Variants in DLG2 observed in about 807,000 individuals in gnomAD.
DLG2 encodes disks large homolog 2.
DLG2 carries 45 observed loss-of-function variants against 132.5 expected under a neutral mutation model. The observed-to-expected ratio is 0.34, with a 90% CI of 0.27 to 0.44. The LOEUF (loss-of-function observed/expected upper bound fraction) is 0.44, where lower values mean the gene tolerates loss of function less well. Among genes scored for constraint, DLG2 ranks in the 20% least tolerant of loss-of-function variants. The pLI is 1.00. For synonymous variants in DLG2, 424 were observed against 419.6 expected (o/e 1.01, Z -0.13); for missense variants, 1,045 against 1,196.9 (o/e 0.87, Z 1.87).
chr11:85,146,227 C>CCTCTCT (rs35640163), intron 5 of DLG2, among the ~76,000 whole-genome samples: 4,037 of 129,080 alleles, frequency 0.031, 90 homozygotes, highest in African/African-American at 0.046. Flanking sequence ...TCTGTTTCTC[C>CCTCTCT]CTCTCTCTCT....
chr11:84,496,336 CTG>C (rs1303332295), intron 7 of DLG2, among the ~76,000 whole-genome samples: 2 of 152,064 alleles, frequency 1.3e-5, no homozygotes, highest in East Asian at 1.9e-4. Context: ...GGGGTGAGCT[CTG>C]TGTGTTTTCA....
At chr11:83,597,805 A>T (rs1250760681) in intron 19 of DLG2, among the ~76,000 whole-genome samples, 1 of 150,736 alleles carries the variant, frequency 6.6e-6, no homozygotes, top group Non-Finnish European at 1.5e-5. Flanking sequence ...AAACAAACAA[A>T]CAAACAAACA....
At chr11:83,466,930 T>G (rs2091142292) in intron 25 of DLG2, 113 bp from the exon 26 acceptor site, 2 of 680,864 alleles carry the variant, frequency 2.9e-6, no homozygotes, top group Admixed American at 5.0e-5. Flanking sequence ...GCTGGATTTC[T>G]AAAGTCAGAA....
chr11:83,657,001 C>T (rs531375997), intron 18 of DLG2, among the ~76,000 whole-genome samples: 3 of 152,294 alleles, frequency 2.0e-5, no homozygotes, highest in South Asian at 2.1e-4. Flanking sequence ...AAATCCTACT[C>T]AGTCATCCAA....
chr11:83,781,217 T>G (rs529245502), intron 18 of DLG2, among the ~76,000 whole-genome samples: 1 of 152,280 alleles, frequency 6.6e-6, no homozygotes, highest in South Asian at 2.1e-4. Flanking sequence ...TCTTGCCCAC[T>G]ATATATTTCT....
At chr11:84,347,710 C>T (rs1217692736) in intron 7 of DLG2, among the ~76,000 whole-genome samples, 1 of 152,192 alleles carries the variant, frequency 6.6e-6, no homozygotes. Context: ...TTCAGAGATG[C>T]AGAGCCCATT....
chr11:84,340,761 A>T (rs923597824), intron 7 of DLG2, among the ~76,000 whole-genome samples: 6 of 152,130 alleles, frequency 3.9e-5, no homozygotes, highest in Admixed American at 3.9e-4. Context: ...GGTAATTAGC[A>T]TATGTTAGGA....
At chr11:84,245,188 G>T (rs2097286425) in intron 8 of DLG2, among the ~76,000 whole-genome samples, 1 of 152,138 alleles carries the variant, frequency 6.6e-6, no homozygotes. Flanking sequence ...TGAACCCATA[G>T]TATCCTTTTT....
intron 10 of DLG2, among the ~76,000 whole-genome samples, chr11:84,085,173 A>C (rs2096958912): frequency 6.6e-6 from 1 of 152,242 alleles, no homozygotes; most frequent in African/African-American, 2.4e-5. Flanking sequence ...CACAATTTAT[A>C]AACTGCTCAG....
chr11:83,684,142 A>G (rs1023203294), intron 18 of DLG2, among the ~76,000 whole-genome samples: 1 of 152,068 alleles, frequency 6.6e-6, no homozygotes, highest in African/African-American at 2.4e-5. Context: ...AAGCAGGAAG[A>G]CAGGTATCTC....
intron 8 of DLG2, among the ~76,000 whole-genome samples, chr11:84,178,808 A>G (rs2096043444): frequency 6.6e-6 from 1 of 152,280 alleles, no homozygotes; most frequent in East Asian, 1.9e-4. Context: ...GAAACAGACT[A>G]CAGATCTAGC....
intron 6 of DLG2, among the ~76,000 whole-genome samples, chr11:84,908,591 T>G (rs76501134): frequency 0.013 from 2,029 of 152,078 alleles, 38 homozygotes; most frequent in African/African-American, 0.045. Flanking sequence ...GTTTCCCCTG[T>G]GAGTAGTAAC....
At chr11:84,305,611 A>C (rs2098208381) in intron 7 of DLG2, among the ~76,000 whole-genome samples, 2 of 152,156 alleles carry the variant, frequency 1.3e-5, no homozygotes, top group South Asian at 4.1e-4. Flanking sequence ...CTGTCTATCT[A>C]TCTATTTATC....
chr11:85,492,421 G>T (rs536053455), intron 3 of DLG2, among the ~76,000 whole-genome samples: 1 of 152,226 alleles, frequency 6.6e-6, no homozygotes, highest in Non-Finnish European at 1.5e-5. Flanking sequence ...AAGCTGTCTA[G>T]ATATACCATG....
chr11:84,517,210 C>A (rs1352070098), intron 7 of DLG2, among the ~76,000 whole-genome samples: 1 of 151,124 alleles, frequency 6.6e-6, no homozygotes, highest in Non-Finnish European at 1.5e-5. Context: ...AAGGAAGAGG[C>A]AACCTACATG....
intron 4 of DLG2, among the ~76,000 whole-genome samples, chr11:85,224,639 G>A (rs1348093588): frequency 6.6e-6 from 1 of 152,104 alleles, no homozygotes; most frequent in Admixed American, 6.6e-5. Flanking sequence ...ATCTATGGTT[G>A]ATAGGGTTAT....
intron 19 of DLG2, 191 bp downstream of exon 19, chr11:83,633,020 C>T: frequency 1.8e-6 from 1 of 541,270 alleles, no homozygotes; most frequent in Non-Finnish European, 3.3e-6. Context: ...TAAAAGCAGG[C>T]ACCTTTAACT....
intron 15 of DLG2, among the ~76,000 whole-genome samples, chr11:83,914,094 C>T (rs2076516482): frequency 6.6e-6 from 1 of 152,146 alleles, no homozygotes; most frequent in African/African-American, 2.4e-5. Context: ...TTTGTCCTTT[C>T]TGAGACTCAT....
At chr11:85,320,231 T>G (rs1205046337) in intron 3 of DLG2, among the ~76,000 whole-genome samples, 1 of 151,932 alleles carries the variant, frequency 6.6e-6, no homozygotes, top group African/African-American at 2.4e-5. Context: ...TATTTAGGGA[T>G]AGAAAGGTCC....
Sources: allele counts gnomAD v4.1 joint callset (sites outside exome capture counted in the v4.1 genomes callset), GRCh38; gene constraint gnomAD v4.1.1; transcripts MANE v1.5; gene names NCBI Gene and HGNC (gene_info 2026-07-23, HGNC 2026-07-21).